Variants in DMD observed in about 807,000 individuals in gnomAD.
DMD encodes mutant dystrophin.
Under a neutral mutation model 330.1 loss-of-function variants are expected in DMD, and 63 were observed. That is an observed-to-expected ratio of 0.19 (90% CI 0.16 to 0.24). The LOEUF (loss-of-function observed/expected upper bound fraction) is 0.24, where lower values mean the gene tolerates loss of function less well. DMD is among the 10% of genes least tolerant of loss of function. DMD has a pLI of 1.00. For missense variants in DMD, 3,344 were observed against 2,684.1 expected (o/e 1.25, Z -5.43); for synonymous variants, 1,223 against 959.8 (o/e 1.27, Z -5.07).
At chrX:32,022,966 G>C (rs1232984875) in intron 44 of DMD, among the ~76,000 whole-genome samples, 1 of 109,288 alleles carries the variant, frequency 9.2e-6, no homozygotes, top group Non-Finnish European at 1.9e-5. Context: ...CCGAGTAGCT[G>C]AGATTACAGG....
intron 21 of DMD, among the ~76,000 whole-genome samples, chrX:32,474,959 T>C (rs2041074650): frequency 9.0e-6 from 1 of 111,647 alleles, no homozygotes; most frequent in African/African-American, 3.3e-5. Context: ...TTTTTTCCAA[T>C]GTTATCTTCT....
intron 1 of DMD, among the ~76,000 whole-genome samples, chrX:33,161,158 A>G (rs1359112333): frequency 2.7e-5 from 3 of 112,046 alleles, no homozygotes; most frequent in Admixed American, 9.5e-5. Flanking sequence ...GTATAGTTAG[A>G]TCATCTTTCT....
intron 43 of DMD, among the ~76,000 whole-genome samples, chrX:32,276,772 T>A (rs112175455): frequency 9.1e-6 from 1 of 109,598 alleles, no homozygotes; most frequent in African/African-American, 3.3e-5. Flanking sequence ...ATACAAAAAT[T>A]AGCCACGCGT....
Position 31,944,541 on chromosome X carries a change from G to A in DMD, c.6615-12314C>T, listed in dbSNP as rs186360905. Among the ~76,000 whole-genome samples, 184 of 105,176 alleles carry A rather than the reference G, an allele frequency of 1.7e-3. 1 individual carries two copies. The highest frequency in any genetic ancestry group is 2.5e-3 in the Non-Finnish European group (126 of 51,334). 91.3% of individuals were successfully genotyped at this position (105,176 alleles called of 115,157 possible). On this transcript the variant is annotated intron_variant, in intron 45 of 78. Coordinates refer to ENST00000357033, the MANE Select transcript of DMD (RefSeq NM_004006.3). ...TCGCCCGGCTGGAGTGCAGTGGTGC[G>A]ATCTCGGCTCACTGCAACCTCTGCC... is the stretch of plus-strand genomic sequence containing the variant.
At position 33,147,623 on chromosome X, in the gene DMD, CTG is replaced by C. The variant is rs749782955; in HGVS notation, c.31+63657_31+63658del. 2.8e-3 allele frequency among the ~76,000 whole-genome samples: 311 copies of C among 111,570 alleles called. 1 individual carries two copies. Among genetic ancestry groups the C allele is most frequent in the African/African-American group, 9.5e-3 (293 of 30,756 alleles). ...CAGGGAGTAATGATATTTGAAATGA[CTG>C]TGAATTTTGGTCTCTGGATGTTCTT... On this transcript the variant is annotated intron_variant, in intron 1 of 78. Transcript: ENST00000357033.
At chrX:31,485,263 C>T (rs891088563) in intron 57 of DMD, among the ~76,000 whole-genome samples, 2 of 112,263 alleles carry the variant, frequency 1.8e-5, no homozygotes, top group African/African-American at 3.2e-5. Context: ...GGCACGATCT[C>T]GGCTTACTGC....
chrX:31,367,511 T>C (rs1023427218), intron 60 of DMD, among the ~76,000 whole-genome samples: 1 of 111,717 alleles, frequency 9.0e-6, no homozygotes, highest in Non-Finnish European at 1.9e-5. Flanking sequence ...CTGACTTCTA[T>C]GTAATGAGAA....
intron 30 of DMD, among the ~76,000 whole-genome samples, chrX:32,392,560 C>T (rs984781425): frequency 9.0e-6 from 1 of 111,285 alleles, no homozygotes; most frequent in African/African-American, 3.3e-5. Context: ...GTGCCCAGCC[C>T]GTAGATAGCA....
At chrX:32,440,926 C>T (rs2098279422) in intron 28 of DMD, among the ~76,000 whole-genome samples, 1 of 111,044 alleles carries the variant, frequency 9.0e-6, no homozygotes, top group Non-Finnish European at 1.9e-5. Flanking sequence ...TTAGGTGAAG[C>T]ATCTATGTAG....
chrX:31,725,611 A>G (rs144387747), intron 52 of DMD, among the ~76,000 whole-genome samples: 1,798 of 112,144 alleles, frequency 0.016, 10 homozygotes, highest in Non-Finnish European at 0.027. Flanking sequence ...AGAGAAGGAA[A>G]CTAAGAGCAG....
intron 44 of DMD, among the ~76,000 whole-genome samples, chrX:32,199,780 T>TTGTGTG (rs35897988): frequency 0.041 from 3,404 of 84,011 alleles, 109 homozygotes; most frequent in Admixed American, 0.073. Context: ...CGCAAGGCTT[T>TTGTGTG]TGTGTGTGTG....
chrX:32,971,764 C>CAT (rs201019406), intron 2 of DMD, among the ~76,000 whole-genome samples: 45 of 109,830 alleles, frequency 4.1e-4, no homozygotes, highest in Admixed American at 2.3e-3. Flanking sequence ...GAGACACACA[C>CAT]ATATATATAT....
rs138675700 is a variant in DMD at position 31,785,485 on chromosome X, G to C, written c.7310-11293C>G. Among the ~76,000 whole-genome samples the C allele has an allele frequency of 8.2e-3, 915 of 111,611 alleles. 8 individuals are homozygous for C. The highest frequency in any genetic ancestry group is 0.027 in the African/African-American group (843 of 30,697). On this transcript the variant is annotated intron_variant, in intron 50 of 78. Transcript: ENST00000357033. ...TTTTTTAAATTATACTTTAAGTTCT[G>C]GGATACATGTGCAGAATGTACAGGT... is the stretch of plus-strand genomic sequence containing the variant.
chrX:31,950,434 GT>G (rs1945691489), intron 45 of DMD, among the ~76,000 whole-genome samples: 1 of 111,143 alleles, frequency 9.0e-6, no homozygotes, highest in Non-Finnish European at 1.9e-5. Context: ...AAAATTTCAT[GT>G]GCACTTTAAA....
intron 30 of DMD, among the ~76,000 whole-genome samples, chrX:32,403,226 T>C (rs1243744101): frequency 5.3e-5 from 6 of 112,251 alleles, no homozygotes; most frequent in African/African-American, 1.9e-4. Flanking sequence ...GTGTGCTATC[T>C]TTGAAGTAAA....
chrX:32,095,151 C>T (rs1481113413), intron 44 of DMD, among the ~76,000 whole-genome samples: 2 of 111,468 alleles, frequency 1.8e-5, no homozygotes, highest in African/African-American at 6.5e-5. Flanking sequence ...GGCCCAGAGT[C>T]GTTGCATAAC....
chrX:32,292,139 A>C (rs2097473435), intron 42 of DMD, among the ~76,000 whole-genome samples: 1 of 109,476 alleles, frequency 9.1e-6, no homozygotes, highest in Admixed American at 9.9e-5. Context: ...CAAGATCCAC[A>C]ATTCTGGGAT....
At chrX:33,012,786 T>C (rs866191299) in intron 2 of DMD, among the ~76,000 whole-genome samples, 3 of 111,201 alleles carry the variant, frequency 2.7e-5, no homozygotes, top group Non-Finnish European at 3.8e-5. Context: ...GGCTAAGCTA[T>C]GTTGTTTCGA....
At chrX:32,999,805 AC>A in intron 2 of DMD, among the ~76,000 whole-genome samples, 1 of 94,812 alleles carries the variant, frequency 1.1e-5, no homozygotes, top group African/African-American at 3.9e-5. Context: ...AAAACAAAAA[AC>A]AAAAAAAAAA....
Sources: allele counts gnomAD v4.1 joint callset (sites outside exome capture counted in the v4.1 genomes callset), GRCh38; gene constraint gnomAD v4.1.1; transcripts MANE v1.5; gene names NCBI Gene and HGNC (gene_info 2026-07-23, HGNC 2026-07-21).